PMS1: variants seen among roughly 807,000 people sequenced by gnomAD.
PMS1 encodes the protein PMS1 protein homolog 1.
PMS1 carries 79 observed loss-of-function variants against 93.1 expected under a neutral mutation model. The observed-to-expected ratio is 0.85, with a 90% CI of 0.71 to 1.02. The LOEUF is 1.02. PMS1 is among the 50% of genes least tolerant of loss of function. The pLI is 0.00. For missense variants in PMS1, 1,064 were observed against 1,085.3 expected (o/e 0.98, Z 0.28); for synonymous variants, 335 against 363.4 (o/e 0.92, Z 0.89).
chr2:189,804,349 C>T (rs1294363287), intron 3 of PMS1, among the ~76,000 whole-genome samples: 1 of 152,220 alleles, frequency 6.6e-6, no homozygotes, highest in African/African-American at 2.4e-5. Context: ...CTAGCACTTT[C>T]TGTCCTCTAA....
At chr2:189,806,062 A>T (rs2050315320) in intron 4 of PMS1, 5 of 660,636 alleles carry the variant, frequency 7.6e-6, no homozygotes, top group African/African-American at 1.9e-5. Flanking sequence ...TATATGAAGA[A>T]GATTAAAATT....
intron 5 of PMS1, among the ~76,000 whole-genome samples, chr2:189,822,123 C>T (rs1489343919): frequency 6.6e-6 from 1 of 152,166 alleles, no homozygotes; most frequent in Non-Finnish European, 1.5e-5. Flanking sequence ...GAGGCGTTGG[C>T]ACGGGACATG....
intron 4 of PMS1, among the ~76,000 whole-genome samples, chr2:189,814,571 A>C (rs2051114074): frequency 6.6e-6 from 1 of 152,148 alleles, no homozygotes; most frequent in Non-Finnish European, 1.5e-5. Flanking sequence ...ATTTTCTTTA[A>C]GTATTCATTT....
In PMS1 at chr2:189,805,728, C is replaced by T; in HGVS notation, c.392C>T (p.Ser131Phe). 7 of 1,613,734 alleles carry T rather than the reference C, an allele frequency of 4.3e-6. No homozygotes were observed. The highest frequency in any genetic ancestry group is 1.7e-4 in the Middle Eastern group (1 of 6,056). ...TTAGATGGCAGTGGCCACATACTTT[C>T]TCAGAAACCTTCACATCTTGGTCAA... is the stretch of plus-strand genomic sequence containing the variant. ...YVLDGSGHIL[S>F]QKPSHLGQGT... The change falls in exon 4 of 13, where the codon TCT (serine) becomes TTT (phenylalanine). Residue 131 changes from serine (S) to phenylalanine (F), a missense_variant. Coordinates refer to ENST00000441310, the MANE Select transcript of PMS1 (RefSeq NM_000534.5).
chr2:189,848,938 T>C (rs184784479), intron 6 of PMS1, among the ~76,000 whole-genome samples: 1 of 152,338 alleles, frequency 6.6e-6, no homozygotes, highest in East Asian at 1.9e-4. Context: ...TGGTTAGTGG[T>C]TGTCCTCACT....
Position 189,854,429 on chromosome 2 carries a change from C to T in PMS1, c.1157C>T (p.Ser386Leu). The T allele has an allele frequency of 1.2e-6, 2 of 1,607,636 alleles. No homozygotes were observed. The highest frequency in any genetic ancestry group is 1.7e-6 in the Non-Finnish European group (2 of 1,175,420). The change falls in exon 9 of 13, where the codon TCA becomes TTA. Residue 386 changes from serine (S) to leucine (L), a missense_variant. Coordinates refer to ENST00000441310, the MANE Select transcript of PMS1 (RefSeq NM_000534.5). Reference protein sequence around the residue: ...SGKNYSNVDTSVIPFQNDMHN... With the variant: ...SGKNYSNVDTLVIPFQNDMHN... ...AAGAATTATTCAAATGTTGATACTT[C>T]AGTCATTCCATTCCAAAATGATATG... is the stretch of plus-strand genomic sequence containing the variant.
chr2:189,835,306 T>C (rs1014324092), intron 5 of PMS1, among the ~76,000 whole-genome samples: 2 of 152,228 alleles, frequency 1.3e-5, no homozygotes, highest in Non-Finnish European at 2.9e-5. Flanking sequence ...TTGAGGCTGC[T>C]TAGCAATAAT....
intron 5 of PMS1, among the ~76,000 whole-genome samples, chr2:189,828,578 T>C (rs1433471819): frequency 6.6e-6 from 1 of 152,174 alleles, no homozygotes; most frequent in African/African-American, 2.4e-5. Context: ...CTTTTCAACC[T>C]GTATATGTAA....
At chr2:189,853,846 C>T in intron 7 of PMS1, 93 bp from the exon 8 acceptor site, 1 of 765,622 alleles carries the variant, frequency 1.3e-6, no homozygotes, top group Non-Finnish European at 2.1e-6. Flanking sequence ...TAAGCAGTTG[C>T]ATCTACTCAA....
At chr2:189,860,444 G>A (rs979084554) in intron 9 of PMS1, among the ~76,000 whole-genome samples, 2 of 151,774 alleles carry the variant, frequency 1.3e-5, no homozygotes, top group Admixed American at 1.3e-4. Flanking sequence ...ATATTCAGTT[G>A]TATAAATATA....
At chr2:189,828,209 C>A (rs2052617969) in intron 5 of PMS1, among the ~76,000 whole-genome samples, 1 of 152,146 alleles carries the variant, frequency 6.6e-6, no homozygotes, top group Non-Finnish European at 1.5e-5. Context: ...CAGGCGTGAG[C>A]CACTGCGCCC....
intron 11 of PMS1, among the ~76,000 whole-genome samples, chr2:189,873,088 T>TA (rs1301478015): frequency 6.6e-6 from 1 of 152,232 alleles, no homozygotes; most frequent in Non-Finnish European, 1.5e-5. Context: ...ATTCGTAAGT[T>TA]AAAATCACAG....
intron 5 of PMS1, among the ~76,000 whole-genome samples, chr2:189,822,467 G>A (rs914147757): frequency 1.3e-5 from 2 of 151,980 alleles, no homozygotes; most frequent in African/African-American, 4.8e-5. Context: ...TTAAGGTATT[G>A]GGTCAGCTGA....
chr2:189,876,581 CATG>C (rs879320035), intron 12 of PMS1, among the ~76,000 whole-genome samples: 10 of 152,054 alleles, frequency 6.6e-5, no homozygotes, highest in Non-Finnish European at 1.3e-4. Context: ...TTTCTTTGCC[CATG>C]ATCTTTCCAT....
chr2:189,801,926 A>G (rs1003719272), intron 3 of PMS1, among the ~76,000 whole-genome samples: 6 of 152,224 alleles, frequency 3.9e-5, no homozygotes, highest in Non-Finnish European at 7.3e-5. Flanking sequence ...TCCGCATTCT[A>G]TGTATGCTAT....
Position 189,877,455 on chromosome 2 carries a change from A to G in PMS1, c.*19A>G. The stretch of plus-strand genomic sequence containing the variant: ...TACATGATTAAATATGTTTAAGAAG[A>G]TTAGTTACCATTGAAATTGGTTCTG... On this transcript the variant is annotated 3_prime_UTR_variant, in exon 13 of 13. Transcript: ENST00000441310. The G allele has an allele frequency of 1.3e-6, 2 of 1,545,220 alleles. No individual in the cohort carries two copies. The highest frequency in any genetic ancestry group is 1.8e-6 in the Non-Finnish European group (2 of 1,118,304).
intron 6 of PMS1, 88 bp downstream of exon 6, chr2:189,844,168 G>C (rs375129390): frequency 2.5e-6 from 4 of 1,594,506 alleles, no homozygotes; most frequent in African/African-American, 1.3e-5. Flanking sequence ...AGTGGCAAGA[G>C]GTTAGTCTTT....
Position 189,854,496 on chromosome 2 carries a change from T to C in PMS1, c.1224T>C (p.Asn408=). 3.1e-6 allele frequency: 5 copies of C among 1,613,782 alleles called. No homozygotes were observed. Among genetic ancestry groups the C allele is most frequent in the Non-Finnish European group, 4.2e-6 (5 of 1,179,832 alleles). The change falls in exon 9 of 13, where the codon AAT becomes AAC. Residue 408 remains asparagine (N), a synonymous_variant. Coordinates refer to ENST00000441310, the MANE Select transcript of PMS1 (RefSeq NM_000534.5). ...GAAAAAACACTGATGATTGTTTAAATCACCAGATAAGTATTGGTGACTTTG... is the reference window on the plus strand; with the variant it reads ...GAAAAAACACTGATGATTGTTTAAACCACCAGATAAGTATTGGTGACTTTG... The part of the protein sequence containing the change: ...ESGKNTDDCL[N]HQISIGDFGY...
At chr2:189,801,159 G>A (rs906910362) in intron 3 of PMS1, among the ~76,000 whole-genome samples, 4 of 152,148 alleles carry the variant, frequency 2.6e-5, no homozygotes, top group African/African-American at 7.2e-5. Flanking sequence ...TGCCCTGCAG[G>A]CATTCTTTTT....
Sources: allele counts gnomAD v4.1 joint callset (sites outside exome capture counted in the v4.1 genomes callset), GRCh38; gene constraint gnomAD v4.1.1; transcripts MANE v1.5; gene names NCBI Gene and HGNC (gene_info 2026-07-23, HGNC 2026-07-21).